Variants in THTPA observed in about 807,000 individuals in gnomAD.
The protein encoded by THTPA is thiamine-triphosphatase.
Under a neutral mutation model 16.5 loss-of-function variants are expected in THTPA, and 16 were observed. That is an observed-to-expected ratio of 0.97 (90% confidence interval 0.66 to 1.47). The LOEUF is 1.47. Among genes scored for constraint, THTPA ranks in the 40% most tolerant of loss-of-function variants. The pLI, the probability that THTPA is intolerant of heterozygous loss-of-function variation, is 0.00. For missense variants in THTPA, 281 were observed against 280.9 expected, an observed-to-expected ratio of 1.00 and a Z score of 0.00; for synonymous variants, 110 against 115.5, an observed-to-expected ratio of 0.95 and a Z score of 0.30.
Position 23,556,746 on chromosome 14 carries a change from A to T in THTPA, c.-12A>T. On this transcript the variant is annotated 5_prime_UTR_variant, in exon 1 of 2. Transcript: ENST00000288014. ...AACTCAGCAAACGTTTGTTCAGCCA[A>T]TTGCAGGTAGCATGGCCCAGGGCTT... 1 of 1,609,700 alleles carries T rather than the reference A, an allele frequency of 6.2e-7. No individual in the cohort carries two copies. The highest frequency in any genetic ancestry group is 8.5e-7 in the Non-Finnish European group (1 of 1,177,794).
chr14:23,523,303 G>C, the THTPA span: 1 of 1,447,196 alleles, frequency 6.9e-7, no homozygotes, highest in East Asian at 2.5e-5. The surrounding 1 kb of genome is among the most constrained non-coding windows in gnomAD (Gnocchi z 4.1). Flanking sequence ...CAGCCCCGAG[G>C]GGCATGGAGG....
chr14:23,546,654 C>T, the THTPA span, among the ~76,000 whole-genome samples: 1 of 152,130 alleles, frequency 6.6e-6, no homozygotes, highest in South Asian at 2.1e-4. The surrounding 1 kb of genome is among the most constrained non-coding windows in gnomAD (Gnocchi z 4.7). Flanking sequence ...AGGACTTTCC[C>T]CAGAGAGGCA....
At chr14:23,532,467 T>TGTC in the THTPA span, 1 of 1,361,468 alleles carries the variant, frequency 7.3e-7, no homozygotes, top group African/African-American at 1.5e-5. Flanking sequence ...TTTCTCCATT[T>TGTC]GTCACCCAGG....
At chr14:23,531,419 T>G in the THTPA span, 2 of 1,346,924 alleles carry the variant, frequency 1.5e-6, no homozygotes, top group Non-Finnish European at 1.9e-6. Context: ...GCAGCCCCCC[T>G]GCTCCCCACA....
chr14:23,546,845 A>G, the THTPA span, among the ~76,000 whole-genome samples: 3 of 152,160 alleles, frequency 2.0e-5, no homozygotes, highest in African/African-American at 4.8e-5. The surrounding 1 kb of genome is among the most constrained non-coding windows in gnomAD (Gnocchi z 4.7). Context: ...TGACAGTGCA[A>G]CAGCCACCAC....
the THTPA span, chr14:23,527,901 CTTTTT>C: frequency 1.7e-3 from 775 of 447,730 alleles, no homozygotes; most frequent in East Asian, 3.7e-3. Context: ...GCCCCCACTC[CTTTTT>C]TTTTTTTTTT....
chr14:23,555,378 C>G (rs997369956), upstream of THTPA, among the ~76,000 whole-genome samples: 1 of 152,212 alleles, frequency 6.6e-6, no homozygotes, highest in African/African-American at 2.4e-5. Context: ...TGACAAACTC[C>G]TCAGTCTAGC....
chr14:23,544,702 ATCTCGTTACAC>A, the THTPA span, among the ~76,000 whole-genome samples: 3 of 151,946 alleles, frequency 2.0e-5, no homozygotes, highest in Non-Finnish European at 4.4e-5. Context: ...AATGAGTGTG[ATCTCGTTACAC>A]TCTCGCTGCC....
the THTPA span, chr14:23,524,527 T>G: frequency 6.5e-7 from 1 of 1,526,762 alleles, no homozygotes; most frequent in Middle Eastern, 1.7e-4. This position sits in a 1 kb window ranked among gnomAD's most constrained non-coding sequence, Gnocchi z 5.6. Context: ...AGGGCAGATC[T>G]AGGAGTTGGG....
At chr14:23,520,274 TGCTTAACGGAGAA>T in the THTPA span, among the ~76,000 whole-genome samples, 2 of 151,666 alleles carry the variant, frequency 1.3e-5, no homozygotes, top group African/African-American at 4.9e-5. The surrounding 1 kb of genome is among the most constrained non-coding windows in gnomAD (Gnocchi z 8.7). Context: ...CAGCAGCTGC[TGCTTAACGGAGAA>T]GCTGGGCTGG....
the THTPA span, chr14:23,533,416 G>C: frequency 6.6e-7 from 1 of 1,509,640 alleles, no homozygotes; most frequent in Non-Finnish European, 8.8e-7. The surrounding 1 kb of genome is among the most constrained non-coding windows in gnomAD (Gnocchi z 4.8). Flanking sequence ...TAGGGCCTGG[G>C]GCCCAAAGTA....
the THTPA span, chr14:23,528,763 G>A: frequency 7.1e-6 from 7 of 985,364 alleles, no homozygotes; most frequent in Non-Finnish European, 8.4e-6. Context: ...GGAAAATTCT[G>A]GCCCAGCCCT....
chr14:23,549,749 A>G, the THTPA span, among the ~76,000 whole-genome samples: 1 of 152,156 alleles, frequency 6.6e-6, no homozygotes, highest in African/African-American at 2.4e-5. Flanking sequence ...TGACTGATGG[A>G]GGGGTTATAT....
the THTPA span, chr14:23,538,002 G>C: frequency 6.5e-6 from 1 of 152,742 alleles, no homozygotes; most frequent in African/African-American, 2.4e-5. Context: ...CTGCTTCCTG[G>C]CTCCTGACTC....
chr14:23,536,575 G>A, the THTPA span, among the ~76,000 whole-genome samples: 3 of 152,110 alleles, frequency 2.0e-5, no homozygotes, highest in African/African-American at 4.8e-5. Context: ...AGTTATGTAG[G>A]TACATATACC....
the THTPA span, among the ~76,000 whole-genome samples, chr14:23,538,399 TTA>T: frequency 2.6e-5 from 4 of 151,486 alleles, no homozygotes; most frequent in Admixed American, 6.6e-5. Flanking sequence ...GCTGCAGCGA[TTA>T]TTTTTTTGCT....
the THTPA span, among the ~76,000 whole-genome samples, chr14:23,537,860 AC>A: frequency 6.6e-6 from 1 of 151,950 alleles, no homozygotes; most frequent in Non-Finnish European, 1.5e-5. Flanking sequence ...CCCTTCCACT[AC>A]CCCACCTGGT....
At chr14:23,548,529 G>A in the THTPA span, 3 of 152,210 alleles carry the variant, frequency 2.0e-5, no homozygotes, top group Non-Finnish European at 2.9e-5. Context: ...GGCAATACCA[G>A]CAATTTATGA....
the THTPA span, chr14:23,526,862 T>C: frequency 8.5e-6 from 13 of 1,531,886 alleles, no homozygotes; most frequent in African/African-American, 4.1e-5. Context: ...GCCTGGTCTC[T>C]GCTCGGTGTA....
Sources: allele counts gnomAD v4.1 joint callset (sites outside exome capture counted in the v4.1 genomes callset), GRCh38; gene constraint gnomAD v4.1.1; non-coding constraint Gnocchi (gnomAD v3.1); transcripts MANE v1.5; gene names NCBI Gene and HGNC (gene_info 2026-07-23, HGNC 2026-07-21).